EDIL3: variants seen among roughly 807,000 people sequenced by gnomAD.
EDIL3 encodes the protein EGF like and discoidin domains 3, also known as EGF-like repeat and discoidin I-like domain-containing protein 3.
In EDIL3, 37 loss-of-function variants were observed where a neutral mutation model predicts 67.4. That is an observed-to-expected ratio of 0.55 (90% confidence interval 0.42 to 0.72). EDIL3 has a LOEUF of 0.72. Among genes scored for constraint, EDIL3 ranks in the 30% least tolerant of loss-of-function variants. EDIL3 has a pLI of 0.00. For synonymous variants in EDIL3, 195 were observed against 196.3 expected (o/e 0.99, Z 0.05); for missense variants, 527 against 586.3 (o/e 0.90, Z 1.04).
intron 2 of EDIL3, among the ~76,000 whole-genome samples, chr5:84,252,367 G>A (rs1249733668): frequency 6.6e-6 from 1 of 151,414 alleles, no homozygotes; most frequent in Non-Finnish European, 1.5e-5. Flanking sequence ...GGCGGCAGGC[G>A]CCTGTAGTCC....
rs181819291 is a variant in EDIL3 at position 83,991,904 on chromosome 5, C to T, written c.1138-28544G>A. ...CCTCTGTCTTGATGAACCTATTTGCCGTCTACGTTTGGTAGATTTGTGGAT... is the reference window on the plus strand; with the variant it reads ...CCTCTGTCTTGATGAACCTATTTGCTGTCTACGTTTGGTAGATTTGTGGAT... On this transcript the variant is annotated intron_variant, in intron 9 of 10. Coordinates refer to ENST00000296591, the MANE Select transcript of EDIL3 (RefSeq NM_005711.5). Among the ~76,000 whole-genome samples the T allele has an allele frequency of 4.0e-4, 61 of 152,136 alleles. No individual in the cohort carries two copies. In the East Asian group the frequency reaches 0.01, roughly 25 times the overall value.
At chr5:84,227,085 G>A (rs1744466142) in intron 3 of EDIL3, among the ~76,000 whole-genome samples, 1 of 151,942 alleles carries the variant, frequency 6.6e-6, no homozygotes, top group South Asian at 2.1e-4. Context: ...CAGCAGACAG[G>A]AGAAATGAAA....
chr5:84,086,286 T>C (rs1206183655), intron 6 of EDIL3, among the ~76,000 whole-genome samples: 1 of 152,196 alleles, frequency 6.6e-6, no homozygotes, highest in Admixed American at 6.5e-5. Context: ...CCCAGGGCTC[T>C]GGTGGTGTAG....
chr5:84,290,750 T>C (rs1190800259), intron 1 of EDIL3, among the ~76,000 whole-genome samples: 2 of 152,186 alleles, frequency 1.3e-5, no homozygotes, highest in African/African-American at 4.8e-5. Context: ...TTGCCACTTC[T>C]TTCGGTCTTC....
intron 3 of EDIL3, among the ~76,000 whole-genome samples, chr5:84,185,728 AT>A (rs1743414716): frequency 6.6e-6 from 1 of 152,074 alleles, no homozygotes; most frequent in South Asian, 2.1e-4. Flanking sequence ...TTAGATTCCA[AT>A]GTGTTTTGTC....
At chr5:84,211,557 G>A (rs1744118785) in intron 3 of EDIL3, among the ~76,000 whole-genome samples, 1 of 152,138 alleles carries the variant, frequency 6.6e-6, no homozygotes, top group Non-Finnish European at 1.5e-5. Context: ...CATAACAAGT[G>A]TCCTTCTAAG....
Position 84,060,341 on chromosome 5 carries a change from C to A in EDIL3, c.1096G>T (p.Ala366Ser), listed in dbSNP as rs368032066. 6.2e-7 allele frequency: 1 copy of A among 1,613,838 alleles called. No individual in the cohort carries two copies. The highest frequency in any genetic ancestry group is 1.3e-5 in the African/African-American group (1 of 75,022). The change falls in exon 9 of 11, where the codon GCC becomes TCC. Residue 366 changes from alanine (A) to serine (S), a missense_variant. Around this residue, in one of 2 missense-constraint regions of EDIL3, gnomAD observed 494 missense variants for 522.5 expected, o/e 0.95. Transcript: ENST00000296591. ...TGGTCATTGTGGCCAGAGGTCCAGG[C>A]ATTCACTTTGCCTTGCTTGTCCAGC... ...ARLDKQGKVNAWTSGHNDQSQ... is the reference protein window; with the variant it reads ...ARLDKQGKVNSWTSGHNDQSQ...
chr5:84,384,273 T>C, intron 1 of EDIL3, 35 bp downstream of exon 1: 1 of 1,601,220 alleles, frequency 6.2e-7, no homozygotes, highest in Non-Finnish European at 8.5e-7. Context: ...TCCCAGCCCA[T>C]CCCTCACCCA....
At chr5:84,217,140 C>CAAAAAA (rs33931531) in intron 3 of EDIL3, among the ~76,000 whole-genome samples, 1 of 136,140 alleles carries the variant, frequency 7.3e-6, no homozygotes, top group Non-Finnish European at 1.6e-5. Flanking sequence ...CAAGGACAGC[C>CAAAAAA]AAAAAAAAAA....
intron 4 of EDIL3, among the ~76,000 whole-genome samples, chr5:84,175,662 C>T (rs936259910): frequency 5.9e-5 from 9 of 152,186 alleles, no homozygotes; most frequent in Non-Finnish European, 1.3e-4. Context: ...CCGAATGACG[C>T]TTCATCAACT....
intron 6 of EDIL3, among the ~76,000 whole-genome samples, chr5:84,092,149 A>G (rs1747179253): frequency 6.6e-6 from 1 of 152,192 alleles, no homozygotes; most frequent in Admixed American, 6.5e-5. Flanking sequence ...TTTGCCATGA[A>G]TGTGACTGAG....
At chr5:84,056,310 G>A (rs913422276) in intron 9 of EDIL3, among the ~76,000 whole-genome samples, 6 of 150,122 alleles carry the variant, frequency 4.0e-5, no homozygotes, top group South Asian at 2.1e-4. Context: ...ATCATATACC[G>A]GGGCCTGTTG....
chr5:84,052,774 A>G (rs1746366472), intron 9 of EDIL3, among the ~76,000 whole-genome samples: 1 of 152,234 alleles, frequency 6.6e-6, no homozygotes, highest in Non-Finnish European at 1.5e-5. Flanking sequence ...CTAAATATAT[A>G]TGCACCCAAT....
chr5:84,326,384 G>A (rs1372227003), intron 1 of EDIL3, among the ~76,000 whole-genome samples: 1 of 151,942 alleles, frequency 6.6e-6, no homozygotes, highest in Non-Finnish European at 1.5e-5. Flanking sequence ...GAGCTGACGG[G>A]AGAAGGGAAA....
chr5:84,150,451 A>C (rs1473712835), intron 4 of EDIL3, among the ~76,000 whole-genome samples: 1 of 152,168 alleles, frequency 6.6e-6, no homozygotes, highest in African/African-American at 2.4e-5. Flanking sequence ...AAGAAATCAA[A>C]TAATTCAATA....
chr5:84,065,683 C>A (rs995312282), intron 7 of EDIL3, among the ~76,000 whole-genome samples: 21 of 151,932 alleles, frequency 1.4e-4, no homozygotes, highest in Admixed American at 2.6e-4. Flanking sequence ...TTCAATACCT[C>A]TAAAATATTT....
intron 4 of EDIL3, among the ~76,000 whole-genome samples, chr5:84,154,095 T>C (rs1235432625): frequency 2.0e-5 from 3 of 152,232 alleles, no homozygotes; most frequent in East Asian, 3.9e-4. Context: ...TCCTTTGCTG[T>C]GATGATGGAA....
intron 1 of EDIL3, among the ~76,000 whole-genome samples, chr5:84,333,703 TTA>T (rs1174926195): frequency 6.6e-6 from 1 of 152,184 alleles, no homozygotes; most frequent in East Asian, 1.9e-4. Context: ...TCCATAAATA[TTA>T]TATGAGTACG....
At chr5:84,155,378 A>T (rs538331375) in intron 4 of EDIL3, among the ~76,000 whole-genome samples, 1 of 152,318 alleles carries the variant, frequency 6.6e-6, no homozygotes, top group South Asian at 2.1e-4. Flanking sequence ...TTAACCTGTT[A>T]CATCTCTTAG....
Sources: allele counts gnomAD v4.1 joint callset (sites outside exome capture counted in the v4.1 genomes callset), GRCh38; gene constraint gnomAD v4.1.1; regional missense constraint gnomAD v4.1.1; transcripts MANE v1.5; gene names NCBI Gene and HGNC (gene_info 2026-07-23, HGNC 2026-07-21).